CBLB: variants seen among roughly 807,000 people sequenced by gnomAD.
The protein encoded by CBLB is Cbl proto-oncogene B.
In CBLB, 31 loss-of-function variants were observed where a neutral mutation model predicts 104.9. The ratio of observed to expected loss-of-function variants is 0.30; its 90% CI spans 0.22 to 0.40. The LOEUF (loss-of-function observed/expected upper bound fraction) is 0.40. Among genes scored for constraint, CBLB ranks in the 10% least tolerant of loss-of-function variants. The pLI is 1.00. For synonymous variants in CBLB, 440 were observed against 422.6 expected, an observed-to-expected ratio of 1.04 and a Z score of -0.51; for missense variants, 1,062 against 1,214.6, an observed-to-expected ratio of 0.87 and a Z score of 1.87.
At chr3:105,666,622 A>T (rs1332216263) in intron 18 of CBLB, among the ~76,000 whole-genome samples, 2 of 151,952 alleles carry the variant, frequency 1.3e-5, no homozygotes, top group African/African-American at 4.8e-5. Flanking sequence ...GGAGGTGGAA[A>T]TTGCTGGGAG....
rs201540667 is a variant in CBLB at position 105,658,931 on chromosome 3, A to G, written c.*39T>C. On this transcript the variant is annotated 3_prime_UTR_variant, in exon 19 of 19. Transcript: ENST00000394030. ...CTTTATTTCCACACTCTTGGAATAC[A>G]TCGATTGCTTTCCATTTTGGTGTCT... 2 of 1,605,516 alleles carry G rather than the reference A, an allele frequency of 1.2e-6. No individual in the cohort carries two copies. Among genetic ancestry groups the G allele is most frequent in the South Asian group, 1.1e-5 (1 of 90,890 alleles).
At chr3:105,843,486 T>C (rs2089833574) in intron 3 of CBLB, among the ~76,000 whole-genome samples, 1 of 152,148 alleles carries the variant, frequency 6.6e-6, no homozygotes, top group Non-Finnish European at 1.5e-5. Flanking sequence ...CAGGGATTGT[T>C]AAGAAATAAC....
At chr3:105,691,012 A>G (rs2067624060) in intron 13 of CBLB, among the ~76,000 whole-genome samples, 1 of 152,182 alleles carries the variant, frequency 6.6e-6, no homozygotes, top group Non-Finnish European at 1.5e-5. Flanking sequence ...CTACCATATA[A>G]TCTAAATAAG....
chr3:105,658,815 C>T lies in CBLB; in HGVS notation c.*155G>A, dbSNP rs1349558296. The T allele has an allele frequency of 8.1e-6, 6 of 743,396 alleles. No individual in the cohort carries two copies. Among genetic ancestry groups the T allele is most frequent in the Admixed American group, 4.9e-5 (2 of 40,644 alleles). 46.0% of individuals were successfully genotyped at this position (743,396 alleles called of 1,614,324 possible). ...AGCTGTCGACATCCTGAGCAAGCATCGGTCTCCTTTGAGAAGCTGCACTCC... is the reference window on the plus strand; with the variant it reads ...AGCTGTCGACATCCTGAGCAAGCATTGGTCTCCTTTGAGAAGCTGCACTCC... On this transcript the variant is annotated 3_prime_UTR_variant, in exon 19 of 19. Transcript: ENST00000394030.
intron 10 of CBLB, among the ~76,000 whole-genome samples, chr3:105,708,641 T>C (rs543874620): frequency 7.0e-4 from 106 of 152,018 alleles, no homozygotes; most frequent in Non-Finnish European, 1.3e-3. Flanking sequence ...AAATTGCTTA[T>C]ATTTAAATTT....
chr3:105,852,869 C>T (rs2091133372), intron 3 of CBLB, among the ~76,000 whole-genome samples: 1 of 152,140 alleles, frequency 6.6e-6, no homozygotes, highest in Non-Finnish European at 1.5e-5. Context: ...AGGCGTGTGC[C>T]ACCACGCCGG....
chr3:105,669,928 T>G (rs1193787936), intron 18 of CBLB, among the ~76,000 whole-genome samples: 3 of 152,104 alleles, frequency 2.0e-5, no homozygotes, highest in Non-Finnish European at 4.4e-5. Context: ...ACAAAGAGAT[T>G]TTCCTCATTT....
At chr3:105,678,889 A>G (rs2065964797) in intron 16 of CBLB, among the ~76,000 whole-genome samples, 1 of 152,188 alleles carries the variant, frequency 6.6e-6, no homozygotes, top group South Asian at 2.1e-4. Flanking sequence ...AACCTTTATA[A>G]TATTAGGACT....
At chr3:105,714,353 CTAT>C (rs1559927688) in intron 10 of CBLB, among the ~76,000 whole-genome samples, 4 of 152,090 alleles carry the variant, frequency 2.6e-5, no homozygotes, top group Non-Finnish European at 5.9e-5. Flanking sequence ...CACATTATTT[CTAT>C]TATTATTACA....
At chr3:105,782,552 A>ATC (rs1420784865) in intron 3 of CBLB, among the ~76,000 whole-genome samples, 1 of 148,800 alleles carries the variant, frequency 6.7e-6, no homozygotes, top group African/African-American at 2.5e-5. Flanking sequence ...GCATTCTTTG[A>ATC]TCTCTCTGTA....
intron 12 of CBLB, among the ~76,000 whole-genome samples, chr3:105,695,550 T>C (rs2068261001): frequency 1.3e-5 from 2 of 151,872 alleles, no homozygotes; most frequent in African/African-American, 2.4e-5. Context: ...AACTTACTCT[T>C]GGAGGGCAAT....
chr3:105,677,444 T>C (rs2065792593), intron 17 of CBLB, among the ~76,000 whole-genome samples: 1 of 151,658 alleles, frequency 6.6e-6, no homozygotes, highest in Admixed American at 6.6e-5. Flanking sequence ...GGAATAAAGA[T>C]TCTCAAGTTT....
At chr3:105,782,410 C>G (rs1267637704) in intron 3 of CBLB, among the ~76,000 whole-genome samples, 1 of 152,056 alleles carries the variant, frequency 6.6e-6, no homozygotes, top group Non-Finnish European at 1.5e-5. Flanking sequence ...ATTTAGCAAA[C>G]TAATTCCAAA....
In CBLB at chr3:105,865,427, G is replaced by A. The variant is rs913601497; in HGVS notation, c.168+1983C>T. ...AGGCAATGTACATTTGCCAACACCCGCACCCACATCCCACTAAGTAGAGAC... is the reference window on the plus strand; with the variant it reads ...AGGCAATGTACATTTGCCAACACCCACACCCACATCCCACTAAGTAGAGAC... On this transcript the variant is annotated intron_variant, in intron 2 of 18. Coordinates refer to ENST00000394030, the MANE Select transcript of CBLB (RefSeq NM_170662.5). Among the ~76,000 whole-genome samples, 38 of 151,904 alleles carry A rather than the reference G, an allele frequency of 2.5e-4. 1 individual carries two copies. Among genetic ancestry groups the A allele is most frequent in the African/African-American group, 8.0e-4 (33 of 41,362 alleles).
chr3:105,868,997 A>G lies in CBLB; in HGVS notation c.-276T>C, dbSNP rs1706688282. ...CCGCAGCAGCACTAGCAGGAGGAGG[A>G]GACCGCTCGCTGGACACCCCACCCC... On this transcript the variant is annotated 5_prime_UTR_variant, in exon 1 of 19. Transcript: ENST00000394030. 2 of 1,053,972 alleles carry G rather than the reference A, an allele frequency of 1.9e-6. No homozygotes were observed. Among genetic ancestry groups the G allele is most frequent in the African/African-American group, 3.5e-5 (2 of 57,150 alleles). 65.3% of individuals were successfully genotyped at this position (1,053,972 alleles called of 1,614,324 possible). A position where few individuals can be genotyped will look rare whatever the true frequency, so the allele number is the denominator to read the frequency against.
At chr3:105,805,974 G>A (rs77552844) in intron 3 of CBLB, among the ~76,000 whole-genome samples, 1 of 151,416 alleles carries the variant, frequency 6.6e-6, no homozygotes, top group Non-Finnish European at 1.5e-5. Flanking sequence ...CTTAAGGATA[G>A]GAAGCCAGTC....
At chr3:105,821,342 T>G (rs1577505887) in intron 3 of CBLB, among the ~76,000 whole-genome samples, 1 of 152,266 alleles carries the variant, frequency 6.6e-6, no homozygotes, top group South Asian at 2.1e-4. Context: ...CATAAATCTT[T>G]CAATGCCGAA....
At chr3:105,731,167 G>A (rs1456285807) in intron 9 of CBLB, among the ~76,000 whole-genome samples, 3 of 152,192 alleles carry the variant, frequency 2.0e-5, no homozygotes, top group Non-Finnish European at 4.4e-5. Context: ...GATGTAAAAT[G>A]TTGTGGTGAT....
chr3:105,822,128 C>T (rs565891926), intron 3 of CBLB, among the ~76,000 whole-genome samples: 1 of 152,168 alleles, frequency 6.6e-6, no homozygotes, highest in South Asian at 2.1e-4. Context: ...TATTCATCTG[C>T]AACTATAATA....
Sources: gnomAD v4.1 joint callset for allele counts (sites outside exome capture counted in the v4.1 genomes callset) on GRCh38, gnomAD v4.1.1 for gene constraint, MANE v1.5 for transcripts, NCBI Gene and HGNC (gene_info 2026-07-23, HGNC 2026-07-21) for gene names.